GRB10: variants seen among roughly 807,000 people sequenced by gnomAD.
GRB10 encodes the protein growth factor receptor-bound protein 10.
In GRB10, 20 loss-of-function variants were observed where a neutral mutation model predicts 80.9. That is an observed-to-expected ratio of 0.25 (90% CI 0.17 to 0.36). The LOEUF is 0.36. GRB10 is among the 10% of genes least tolerant of loss of function. The probability of loss-of-function intolerance (pLI) is 1.00; values close to 1 mark genes in which losing one functional copy is unlikely to be tolerated. For missense variants in GRB10, 548 were observed against 747.7 expected, an observed-to-expected ratio of 0.73 and a Z score of 3.12; for synonymous variants, 291 against 291.5, an observed-to-expected ratio of 1.00 and a Z score of 0.02.
intron 18 of GRB10, among the ~76,000 whole-genome samples, chr7:50,593,667 G>C (rs2046128127): frequency 6.6e-6 from 1 of 152,226 alleles, no homozygotes; most frequent in South Asian, 2.1e-4. Context: ...ATCTCCCAGA[G>C]AGAATCATAT....
intron 10 of GRB10, 128 bp downstream of exon 10, chr7:50,617,943 T>G: frequency 1.2e-6 from 1 of 847,698 alleles, no homozygotes. Flanking sequence ...CCCCTCCGGC[T>G]TAAGAGCCAA....
chr7:50,627,064 TA>T (rs1282440111), intron 7 of GRB10, 86 bp from the exon 8 acceptor site: 23 of 1,379,442 alleles, frequency 1.7e-5, no homozygotes, highest in Admixed American at 1.3e-4. Context: ...ACAGGTAAAG[TA>T]AAAATAGTAG....
intron 4 of GRB10, among the ~76,000 whole-genome samples, chr7:50,715,881 G>T (rs2153680882): frequency 6.6e-6 from 1 of 152,318 alleles, no homozygotes; most frequent in Middle Eastern, 3.4e-3. Flanking sequence ...TGATTCCTGA[G>T]ACATGATCCA....
intron 13 of GRB10, among the ~76,000 whole-genome samples, chr7:50,607,694 T>C (rs1378152012): frequency 6.6e-6 from 1 of 152,204 alleles, no homozygotes; most frequent in Non-Finnish European, 1.5e-5. Flanking sequence ...AGTCACGACT[T>C]TGAACGTACA....
rs2050745483 is a variant in GRB10, at chr7:50,616,863, A to G, written c.847-516T>C. Among the ~76,000 whole-genome samples, 5 of 152,254 alleles carry G rather than the reference A, an allele frequency of 3.3e-5. No homozygotes were observed. In the South Asian group the frequency reaches 1.0e-3, roughly 31 times the overall value. ...TTAAGAATAAAGGCTTTATCAAAACAAAACAAAACAAGAAACTACGCTTTT... is the reference window on the plus strand; with the variant it reads ...TTAAGAATAAAGGCTTTATCAAAACGAAACAAAACAAGAAACTACGCTTTT... On this transcript the variant is annotated intron_variant, in intron 10 of 18. Coordinates refer to ENST00000401949, the MANE Select transcript of GRB10 (RefSeq NM_001350814.2).
In GRB10 at chr7:50,651,305, G is replaced by C. The variant is rs115518147; in HGVS notation, c.504+18417C>G. 8.4e-3 allele frequency among the ~76,000 whole-genome samples: 1,285 copies of C among 152,308 alleles called. 17 individuals are homozygous for C. Among genetic ancestry groups the C allele is most frequent in the African/African-American group, 0.03 (1,228 of 41,550 alleles). ...TGCGAGCAGGTCTGATCCTCCCGAG[G>C]TCTGGAGGGAGAACCCACTTCTGGC... On this transcript the variant is annotated intron_variant, in intron 7 of 18. Coordinates refer to ENST00000401949, the MANE Select transcript of GRB10 (RefSeq NM_001350814.2).
intron 10 of GRB10, among the ~76,000 whole-genome samples, chr7:50,616,572 G>A (rs2050680430): frequency 6.6e-6 from 1 of 152,218 alleles, no homozygotes; most frequent in African/African-American, 2.4e-5. Flanking sequence ...TTCCAACACT[G>A]GTGATAACAC....
chr7:50,766,502 T>TTAAAGAAA (rs1157993118), intron 2 of GRB10, among the ~76,000 whole-genome samples: 3 of 151,722 alleles, frequency 2.0e-5, no homozygotes, highest in Non-Finnish European at 2.9e-5. Flanking sequence ...AAGGGGCGGG[T>TTAAAGAAA]TAAAGAAAAA....
At chr7:50,646,656 G>T (rs541704944) in intron 7 of GRB10, among the ~76,000 whole-genome samples, 99 of 152,220 alleles carry the variant, frequency 6.5e-4, no homozygotes, top group Admixed American at 3.3e-3. Context: ...AAATTGTCAC[G>T]CCCTGACTGA....
chr7:50,788,001 G>A (rs982563446), intron 1 of GRB10, among the ~76,000 whole-genome samples: 9 of 152,110 alleles, frequency 5.9e-5, no homozygotes, highest in East Asian at 1.9e-4. Context: ...TGTGAAGACC[G>A]TCTAGGAACA....
intron 3 of GRB10, among the ~76,000 whole-genome samples, chr7:50,755,215 T>C (rs988839159): frequency 6.6e-6 from 1 of 152,220 alleles, no homozygotes; most frequent in Non-Finnish European, 1.5e-5. Context: ...CTCAGCTCTC[T>C]GCCTGCATCT....
chr7:50,718,868 C>A (rs2067283264), intron 4 of GRB10, among the ~76,000 whole-genome samples: 1 of 152,112 alleles, frequency 6.6e-6, no homozygotes, highest in African/African-American at 2.4e-5. Context: ...CCCTCAAAAT[C>A]TTTACCCAAG....
chr7:50,684,267 C>CAAAAA (rs386410128), intron 5 of GRB10, among the ~76,000 whole-genome samples: 7 of 62,288 alleles, frequency 1.1e-4, no homozygotes, highest in South Asian at 8.6e-4. Context: ...CAATCATCAC[C>CAAAAA]AAAAAAAAAA....
chr7:50,775,608 T>C (rs1347096478), intron 2 of GRB10, among the ~76,000 whole-genome samples: 1 of 152,178 alleles, frequency 6.6e-6, no homozygotes, highest in African/African-American at 2.4e-5. Context: ...TAGTGGGGGC[T>C]CTTTTTGGCA....
chr7:50,720,707 A>T (rs1367899586), intron 4 of GRB10, among the ~76,000 whole-genome samples: 2 of 152,016 alleles, frequency 1.3e-5, no homozygotes, highest in Admixed American at 6.6e-5. Flanking sequence ...AAAGAAGCTT[A>T]TGTTTAAATT....
Position 50,592,969 on chromosome 7 carries a change from T to C in GRB10, c.1768A>G (p.Ile590Val), listed in dbSNP as rs1360256041. ...ATCTGCGGTCATAAGGCCACTCGGA[T>C]GCAGTGGTGCTTGAGTTTGCAAGGC... ...VLPCKLKHHC[I>V]RVAL The change falls in exon 19 of 19, where the codon ATC (isoleucine) becomes GTC (valine). Residue 590 changes from isoleucine (I) to valine (V), a missense_variant. Ile to Val is a conservative substitution (Grantham distance 29, BLOSUM62 3). Transcript: ENST00000401949. The C allele has an allele frequency of 6.2e-7, 1 of 1,614,210 alleles. No homozygotes were observed. Among genetic ancestry groups the C allele is most frequent in the Admixed American group, 1.7e-5 (1 of 60,028 alleles).
chr7:50,789,368 G>A (rs939340313), intron 1 of GRB10, among the ~76,000 whole-genome samples: 2 of 152,160 alleles, frequency 1.3e-5, no homozygotes, highest in African/African-American at 2.4e-5. Context: ...GCTCTGCATC[G>A]TGCCAATCAC....
intron 7 of GRB10, among the ~76,000 whole-genome samples, chr7:50,668,606 T>G (rs532480330): frequency 1.3e-3 from 193 of 151,986 alleles, no homozygotes; most frequent in Non-Finnish European, 1.9e-3. Flanking sequence ...AACATATAAA[T>G]AAACAAAAAA....
intron 5 of GRB10, among the ~76,000 whole-genome samples, chr7:50,694,335 C>T (rs2063186984): frequency 6.6e-6 from 1 of 152,114 alleles, no homozygotes; most frequent in Admixed American, 6.6e-5. Context: ...AAAACAAACA[C>T]ACACCACCAA....
Sources: allele counts gnomAD v4.1 joint callset (sites outside exome capture counted in the v4.1 genomes callset), GRCh38; gene constraint gnomAD v4.1.1; transcripts MANE v1.5; gene names NCBI Gene and HGNC (gene_info 2026-07-23, HGNC 2026-07-21).